CACNG1: variants seen among roughly 807,000 people sequenced by gnomAD.
CACNG1 encodes calcium voltage-gated channel auxiliary subunit gamma 1.
CACNG1 carries 21 observed loss-of-function variants against 22.0 expected under a neutral mutation model. The observed-to-expected ratio is 0.95, with a 90% CI of 0.68 to 1.37. The LOEUF is 1.37. Among genes scored for constraint, CACNG1 ranks in the 40% most tolerant of loss-of-function variants. The pLI, the probability that CACNG1 is intolerant of heterozygous loss-of-function variation, is 0.00. For missense variants in CACNG1, 291 were observed against 308.6 expected (o/e 0.94, Z 0.43); for synonymous variants, 127 against 129.2 (o/e 0.98, Z 0.12).
At position 67,056,412 on chromosome 17, in the gene CACNG1, CCTCT is replaced by C. The variant is rs2035762664; in HGVS notation, c.*146_*149del. ...CCCCTGCAACAGTCGCAGGCTGCTTCCTCTCTCTGAGTTCCTCTGGGCTGCCGCA... is the reference window on the plus strand; with the variant it reads ...CCCCTGCAACAGTCGCAGGCTGCTTCCTCTGAGTTCCTCTGGGCTGCCGCA... On this transcript the variant is annotated 3_prime_UTR_variant, in exon 4 of 4. Transcript: ENST00000226021. The surrounding 1 kb of genome is among the most constrained non-coding windows in gnomAD (Gnocchi z 4.3). 5 of 691,632 alleles carry C rather than the reference CCTCT, an allele frequency of 7.2e-6. No homozygotes were observed. The highest frequency in any genetic ancestry group is 2.7e-5 in the East Asian group (1 of 37,134). The allele number at this position is 691,632 out of a possible 1,614,324, so 42.8% of individuals were successfully genotyped here.
rs775947485 is a variant in CACNG1, at chr17:67,044,617, A to T, written c.-44A>T. The stretch of plus-strand genomic sequence containing the variant: ...GCTTGTCACCTGCCCTAGGAGACGC[A>T]GCCGCCGGACCCTGCCCAGGGCACC... On this transcript the variant is annotated 5_prime_UTR_variant, in exon 1 of 4. Transcript: ENST00000226021. This position sits in a 1 kb window ranked among gnomAD's most constrained non-coding sequence, Gnocchi z 6.9. 7.3e-7 allele frequency: 1 copy of T among 1,377,338 alleles called. No individual in the cohort carries two copies. Among genetic ancestry groups the T allele is most frequent in the Non-Finnish European group, 1.0e-6 (1 of 980,560 alleles). The allele number at this position is 1,377,338 out of a possible 1,614,324, so 85.3% of individuals were successfully genotyped here.
intron 1 of CACNG1, among the ~76,000 whole-genome samples, chr17:67,053,673 A>G (rs2035741140): frequency 6.6e-6 from 1 of 152,190 alleles, no homozygotes; most frequent in African/African-American, 2.4e-5. Context: ...CACCCTGCAC[A>G]CCCTGAAAAA....
Position 67,050,970 on chromosome 17 carries a change from T to A in CACNG1, c.230-3026T>A, listed in dbSNP as rs374649590. On this transcript the variant is annotated intron_variant, in intron 1 of 3. Coordinates refer to ENST00000226021, the MANE Select transcript of CACNG1 (RefSeq NM_000727.4). ...GAGTTCCTAACACCCCAGATCATCATCCTGGCATTGGAATCTTTGCTGACT... is the reference window on the plus strand; with the variant it reads ...GAGTTCCTAACACCCCAGATCATCAACCTGGCATTGGAATCTTTGCTGACT... 8.9e-4 allele frequency among the ~76,000 whole-genome samples: 135 copies of A among 152,318 alleles called. 1 individual carries two copies. Among genetic ancestry groups the A allele is most frequent in the Non-Finnish European group, 1.4e-3 (97 of 68,034 alleles).
In CACNG1 at chr17:67,055,059, C is replaced by T. The variant is rs779746872; in HGVS notation, c.305-44C>T. The T allele has an allele frequency of 1.9e-6, 3 of 1,588,466 alleles. No individual in the cohort carries two copies. The African/African-American group carries it at 4.0e-5, about 21-fold the overall frequency. On this transcript the variant is annotated intron_variant, in intron 2 of 3. Coordinates refer to ENST00000226021, the MANE Select transcript of CACNG1 (RefSeq NM_000727.4). The surrounding 1 kb of genome is among the most constrained non-coding windows in gnomAD (Gnocchi z 4.5). ...GGTCCCTAACGAGCCATGACAAGAG[C>T]TCCCATGCTGAGGCCGCATGCTGGG... is the stretch of plus-strand genomic sequence containing the variant.
At chr17:67,052,747 A>G (rs1438167965) in intron 1 of CACNG1, among the ~76,000 whole-genome samples, 2 of 152,162 alleles carry the variant, frequency 1.3e-5, no homozygotes, top group Non-Finnish European at 2.9e-5. Flanking sequence ...AGCAAAGAAG[A>G]TAAACCGTAT....
intron 1 of CACNG1, among the ~76,000 whole-genome samples, chr17:67,045,818 C>T (rs2035693745): frequency 6.6e-6 from 1 of 152,108 alleles, no homozygotes; most frequent in Non-Finnish European, 1.5e-5. Flanking sequence ...CCACCATGCC[C>T]GACCTCCACC....
At chr17:67,051,562 C>T (rs1029368849) in intron 1 of CACNG1, among the ~76,000 whole-genome samples, 17 of 152,314 alleles carry the variant, frequency 1.1e-4, no homozygotes, top group Admixed American at 5.9e-4. Context: ...GCTGAGGCTT[C>T]CTGTTACCCT....
At position 67,054,731 on chromosome 17, in the gene CACNG1, GACAC is replaced by G. The variant is rs1158847233; in HGVS notation, c.305-367_305-364del. On this transcript the variant is annotated intron_variant, in intron 2 of 3. Transcript: ENST00000226021. The surrounding 1 kb of genome is among the most constrained non-coding windows in gnomAD (Gnocchi z 4.6). The stretch of plus-strand genomic sequence containing the variant: ...ACACAAAATGACACACAGTGACACA[GACAC>G]ACACTGATACACATGCATGATGACA... Among the ~76,000 whole-genome samples, 1 of 141,820 alleles carries G rather than the reference GACAC, an allele frequency of 7.1e-6. No homozygotes were observed. Among genetic ancestry groups the G allele is most frequent in the Non-Finnish European group, 1.5e-5 (1 of 65,500 alleles). 93.0% of individuals were successfully genotyped at this position (141,820 alleles called of 152,430 possible).
In CACNG1 at chr17:67,050,470, C is replaced by T. The variant is rs80241967; in HGVS notation, c.230-3526C>T. 1.7e-3 allele frequency among the ~76,000 whole-genome samples: 262 copies of T among 152,364 alleles called. 5 individuals are homozygous for T. The East Asian group carries it at 0.044, about 25-fold the overall frequency. ...TCTTTTACCAAAAGGCTAAAAACAA[C>T]ACTGACATCAATGCAAGTTAGAGGC... On this transcript the variant is annotated intron_variant, in intron 1 of 3. Coordinates refer to ENST00000226021, the MANE Select transcript of CACNG1 (RefSeq NM_000727.4).
intron 1 of CACNG1, among the ~76,000 whole-genome samples, chr17:67,052,367 GC>G (rs1567766667): frequency 2.0e-5 from 3 of 152,232 alleles, no homozygotes; most frequent in Admixed American, 6.5e-5. Context: ...AGAGGCAGCA[GC>G]CCTGGCTCTG....
chr17:67,053,870 C>A, intron 1 of CACNG1, 126 bp from the exon 2 acceptor site: 1 of 727,622 alleles, frequency 1.4e-6, no homozygotes, highest in Non-Finnish European at 2.5e-6. Context: ...GATTAAGGAT[C>A]TGGGGAGAAG....
intron 1 of CACNG1, among the ~76,000 whole-genome samples, chr17:67,053,516 A>G (rs368460901): frequency 2.7e-3 from 410 of 152,256 alleles, no homozygotes; most frequent in African/African-American, 9.4e-3. Context: ...GTGTCTTGGG[A>G]TGTTCAGCAA....
At chr17:67,053,348 G>C (rs1261307401) in intron 1 of CACNG1, among the ~76,000 whole-genome samples, 4 of 152,214 alleles carry the variant, frequency 2.6e-5, no homozygotes, top group African/African-American at 9.6e-5. Context: ...GAAAGCTTTT[G>C]AAAAACACTG....
rs1161330865 is a variant in CACNG1, at chr17:67,044,690, C to T, written c.30C>T (p.Arg10=). MSQTKMLKV[R]VTLFCILAGI... Reference sequence around the variant, plus strand: ...CCCAGACCAAAATGCTGAAGGTCCGCGTGACCCTCTTCTGCATCCTGGCAG... The same window carrying T: ...CCCAGACCAAAATGCTGAAGGTCCGTGTGACCCTCTTCTGCATCCTGGCAG... Residue 10 remains arginine (R), a synonymous_variant, in exon 1 of 4, where the codon CGC becomes CGT. Coordinates refer to ENST00000226021, the MANE Select transcript of CACNG1 (RefSeq NM_000727.4). This position sits in a 1 kb window ranked among gnomAD's most constrained non-coding sequence, Gnocchi z 6.9. The T allele has an allele frequency of 1.1e-5, 17 of 1,609,184 alleles. No individual in the cohort carries two copies. The highest frequency in any genetic ancestry group is 1.4e-5 in the Non-Finnish European group (16 of 1,179,970).
At chr17:67,047,478 T>A (rs1371820776) in intron 1 of CACNG1, among the ~76,000 whole-genome samples, 1 of 152,020 alleles carries the variant, frequency 6.6e-6, no homozygotes, top group African/African-American at 2.4e-5. Context: ...AAAATCAGCA[T>A]CCCAGTAGCC....
At chr17:67,049,045 G>A (rs556113949) in intron 1 of CACNG1, among the ~76,000 whole-genome samples, 7 of 152,234 alleles carry the variant, frequency 4.6e-5, no homozygotes, top group Admixed American at 3.3e-4. Context: ...GATGAAAAAC[G>A]TTAAAAATCG....
chr17:67,045,094 C>T (rs1194576671), intron 1 of CACNG1, among the ~76,000 whole-genome samples: 1 of 152,214 alleles, frequency 6.6e-6, no homozygotes, highest in Non-Finnish European at 1.5e-5. Flanking sequence ...GCGTTTGTCC[C>T]AGCTATTTCT....
At chr17:67,051,480 T>G (rs950040307) in intron 1 of CACNG1, among the ~76,000 whole-genome samples, 9 of 152,228 alleles carry the variant, frequency 5.9e-5, no homozygotes, top group African/African-American at 2.2e-4. Flanking sequence ...CTTTTTCACA[T>G]GCTAAGCCCA....
intron 1 of CACNG1, among the ~76,000 whole-genome samples, chr17:67,049,617 G>A (rs1449297728): frequency 2.0e-5 from 3 of 152,104 alleles, no homozygotes; most frequent in African/African-American, 4.8e-5. Flanking sequence ...GGAACAGGGA[G>A]GCTGAGCATA....
Sources: gnomAD v4.1 joint callset for allele counts (sites outside exome capture counted in the v4.1 genomes callset) on GRCh38, gnomAD v4.1.1 for gene constraint, Gnocchi (gnomAD v3.1) non-coding constraint, MANE v1.5 for transcripts, NCBI Gene and HGNC (gene_info 2026-07-23, HGNC 2026-07-21) for gene names.